The following LIMD1 variants were observed in gnomAD, a reference collection of about 807,000 sequenced individuals.
LIMD1 encodes LIM domain-containing protein 1.
LIMD1 carries 23 observed loss-of-function variants against 58.4 expected under a neutral mutation model. That is an observed-to-expected ratio of 0.39 (90% CI 0.28 to 0.56). The LOEUF (loss-of-function observed/expected upper bound fraction) is 0.56, where lower values mean the gene tolerates loss of function less well. LIMD1 is among the 20% of genes least tolerant of loss of function. LIMD1 has a pLI of 0.57. For missense variants in LIMD1, 838 were observed against 855.5 expected (o/e 0.98, Z 0.25); for synonymous variants, 334 against 345.5 (o/e 0.97, Z 0.37).
intron 1 of LIMD1, among the ~76,000 whole-genome samples, chr3:45,616,757 CTTTTT>C (rs1335272194): frequency 1.4e-5 from 2 of 142,056 alleles, no homozygotes; most frequent in Non-Finnish European, 1.5e-5. Context: ...ATGAGAAAGT[CTTTTT>C]TTTTTTTTTT....
At chr3:45,626,199 G>A (rs1701666941) in intron 1 of LIMD1, among the ~76,000 whole-genome samples, 1 of 152,184 alleles carries the variant, frequency 6.6e-6, no homozygotes, top group South Asian at 2.1e-4. Context: ...TTATAAAACT[G>A]AACATATTCT....
intron 2 of LIMD1, among the ~76,000 whole-genome samples, chr3:45,642,107 G>T (rs750548767): frequency 6.6e-6 from 1 of 152,134 alleles, no homozygotes; most frequent in Non-Finnish European, 1.5e-5. Flanking sequence ...TCCCTTACAC[G>T]GATATGAACA....
At chr3:45,636,754 A>C (rs999574986) in intron 2 of LIMD1, among the ~76,000 whole-genome samples, 4 of 152,136 alleles carry the variant, frequency 2.6e-5, no homozygotes, top group Admixed American at 2.0e-4. Flanking sequence ...GTGTGTGTGC[A>C]TGCCACCCAT....
chr3:45,601,627 T>G (rs1701413723), intron 1 of LIMD1, among the ~76,000 whole-genome samples: 1 of 152,220 alleles, frequency 6.6e-6, no homozygotes, highest in Non-Finnish European at 1.5e-5. Context: ...CAGTGCTTTG[T>G]GGGCCTTGTT....
At chr3:45,673,686 G>T (rs978035978) in intron 6 of LIMD1, 181 bp downstream of exon 6, 24 of 621,870 alleles carry the variant, frequency 3.9e-5, no homozygotes, top group Non-Finnish European at 2.9e-6. Context: ...GGCCCAGGCA[G>T]GAAAATTGCT....
chr3:45,635,253 C>G (rs1363144832), intron 1 of LIMD1, among the ~76,000 whole-genome samples: 1 of 151,994 alleles, frequency 6.6e-6, no homozygotes, highest in Admixed American at 6.6e-5. Flanking sequence ...AAAGTTCTCT[C>G]TCTCTCTCTC....
chr3:45,613,536 G>C (rs1325408583), intron 1 of LIMD1, among the ~76,000 whole-genome samples: 2 of 146,700 alleles, frequency 1.4e-5, no homozygotes, highest in Non-Finnish European at 3.0e-5. Context: ...ATATTACATT[G>C]TATGGATACA....
In LIMD1 at chr3:45,595,672, A is replaced by C; in HGVS notation, c.793A>C (p.Thr265Pro). 1 of 1,614,150 alleles carries C rather than the reference A, an allele frequency of 6.2e-7. No homozygotes were observed. The highest frequency in any genetic ancestry group is 8.5e-7 in the Non-Finnish European group (1 of 1,180,032). Reference sequence around the variant, plus strand: ...CGAGAAGCCAACAGGCCTTTGGTCCACTGCCTCCTCCCAGCGGGTGAGCCC... The same window carrying C: ...CGAGAAGCCAACAGGCCTTTGGTCCCCTGCCTCCTCCCAGCGGGTGAGCCC... The part of the protein sequence containing the change: ...SSEKPTGLWS[T>P]ASSQRVSPGL... Residue 265 changes from threonine (T) to proline (P), a missense_variant, in exon 1 of 8, where the codon ACT becomes CCT. By Grantham distance (38) the Thr-to-Pro change is conservative (BLOSUM62 -1). Coordinates refer to ENST00000273317, the MANE Select transcript of LIMD1 (RefSeq NM_014240.3).
chr3:45,661,683 T>C (rs563450907), intron 2 of LIMD1, among the ~76,000 whole-genome samples: 1 of 152,384 alleles, frequency 6.6e-6, no homozygotes, highest in East Asian at 1.9e-4. Context: ...TCTGTTTGTC[T>C]GTGTCATTAC....
intron 6 of LIMD1, chr3:45,673,943 C>T: frequency 3.9e-6 from 1 of 256,012 alleles, no homozygotes; most frequent in African/African-American, 2.2e-5. Context: ...CGTGTCTTCA[C>T]CCTTCCTTGT....
At chr3:45,608,579 C>T (rs1014445673) in intron 1 of LIMD1, among the ~76,000 whole-genome samples, 1 of 152,170 alleles carries the variant, frequency 6.6e-6, no homozygotes, top group African/African-American at 2.4e-5. Context: ...GTGGCTCACA[C>T]CTATAATCCC....
At position 45,682,357 on chromosome 3, in the gene LIMD1, G is replaced by A. The variant is rs1445078129; in HGVS notation, c.*5298G>A. The A allele has an allele frequency of 2.0e-5, 3 of 152,226 alleles. No individual in the cohort carries two copies. The highest frequency in any genetic ancestry group is 4.4e-5 in the Non-Finnish European group (3 of 68,050). 9.4% of individuals were successfully genotyped at this position (152,226 alleles called of 1,614,324 possible). On this transcript the variant is annotated 3_prime_UTR_variant, in exon 8 of 8. Coordinates refer to ENST00000273317, the MANE Select transcript of LIMD1 (RefSeq NM_014240.3). ...TAAAAAGCCTTGATATGGAGTGTTT[G>A]CTGATACCTATGATGTAAATATTCC...
chr3:45,613,091 T>C (rs905778142), intron 1 of LIMD1: 2 of 152,224 alleles, frequency 1.3e-5, no homozygotes, highest in African/African-American at 4.8e-5. Flanking sequence ...CCAGGCACAG[T>C]GCTGGAGTGC....
rs1697719585 is a variant in LIMD1 at position 45,680,008 on chromosome 3, G to C, written c.*2949G>C. On this transcript the variant is annotated 3_prime_UTR_variant, in exon 8 of 8. Coordinates refer to ENST00000273317, the MANE Select transcript of LIMD1 (RefSeq NM_014240.3). ...TTCTGCTGTTGAGTCCTGGGTGGCT[G>C]ATGGAATGATTGAGGAGGTCTGGTC... 2 of 152,216 alleles carry C rather than the reference G, an allele frequency of 1.3e-5. No homozygotes were observed. The highest frequency in any genetic ancestry group is 1.3e-4 in the Admixed American group (2 of 15,276). The allele number at this position is 152,216 out of a possible 1,614,324, so 9.4% of individuals were successfully genotyped here.
At position 45,685,338 on chromosome 3, in the gene LIMD1, G is replaced by A. The variant is rs1697797663; in HGVS notation, c.*8279G>A. ...TCTCACTGAATGTCACAAAGGCCTT[G>A]GTTTATGGTTCCCAACTGGTAAAGA... On this transcript the variant is annotated 3_prime_UTR_variant, in exon 8 of 8. Transcript: ENST00000273317. 4 of 152,130 alleles carry A rather than the reference G, an allele frequency of 2.6e-5. No individual in the cohort carries two copies. The highest frequency in any genetic ancestry group is 4.8e-5 in the African/African-American group (2 of 41,412). The allele number at this position is 152,130 out of a possible 1,614,324, so 9.4% of individuals were successfully genotyped here.
chr3:45,630,461 T>C (rs1701716368), intron 1 of LIMD1, among the ~76,000 whole-genome samples: 1 of 152,150 alleles, frequency 6.6e-6, no homozygotes, highest in South Asian at 2.1e-4. Flanking sequence ...ATTGGTTTCC[T>C]GAAGGGCAAT....
Position 45,664,754 on chromosome 3 carries a change from T to G in LIMD1, c.1511-896T>G, listed in dbSNP as rs546349215. ...CCAGTGTTCGTCTGGCGGGTTTCTC[T>G]GTATCTCGGGCACTGTTTGTGACAA... On this transcript the variant is annotated intron_variant, in intron 2 of 7. Transcript: ENST00000273317. 6.6e-4 allele frequency among the ~76,000 whole-genome samples: 100 copies of G among 152,384 alleles called. 2 individuals carry two copies. Among genetic ancestry groups the G allele is most frequent in the African/African-American group, 2.4e-3 (100 of 41,600 alleles).
chr3:45,598,518 A>G (rs1168941642), intron 1 of LIMD1, among the ~76,000 whole-genome samples: 1 of 152,204 alleles, frequency 6.6e-6, no homozygotes. Context: ...TTTATTGAGC[A>G]CCTATCTTGA....
chr3:45,604,657 C>G (rs1185445024), intron 1 of LIMD1, among the ~76,000 whole-genome samples: 1 of 152,168 alleles, frequency 6.6e-6, no homozygotes, highest in East Asian at 1.9e-4. Flanking sequence ...TGTTGAGGTC[C>G]TTGCCTTGGT....
Sources: allele counts gnomAD v4.1 joint callset (sites outside exome capture counted in the v4.1 genomes callset), GRCh38; gene constraint gnomAD v4.1.1; transcripts MANE v1.5; gene names NCBI Gene and HGNC (gene_info 2026-07-23, HGNC 2026-07-21).